The following PTN variants were observed in gnomAD, a reference collection of about 807,000 sequenced individuals.
PTN encodes the protein pleiotrophin, also known as heparin affin regulatory protein.
PTN carries 18 observed loss-of-function variants against 24.1 expected under a neutral mutation model. That is an observed-to-expected ratio of 0.75 (90% CI 0.52 to 1.11). The LOEUF (loss-of-function observed/expected upper bound fraction) is 1.11, where lower values mean the gene tolerates loss of function less well. PTN is among the 50% of genes least tolerant of loss of function. The pLI is 0.00. For missense variants in PTN, 163 were observed against 198.8 expected (o/e 0.82, Z 1.08); for synonymous variants, 78 against 68.6 (o/e 1.14, Z -0.67).
At chr7:137,262,193 T>C (rs1169175251) in intron 1 of PTN, among the ~76,000 whole-genome samples, 1 of 152,222 alleles carries the variant, frequency 6.6e-6, no homozygotes, top group Admixed American at 6.5e-5. Flanking sequence ...TTTGGTTAAA[T>C]ATTTTCAGAC....
intron 4 of PTN, among the ~76,000 whole-genome samples, chr7:137,249,865 C>G (rs1306238284): frequency 1.3e-5 from 2 of 152,138 alleles, no homozygotes; most frequent in African/African-American, 4.8e-5. Context: ...CAGGTCCAGC[C>G]TGTACCTGGC....
At chr7:137,329,320 A>C (rs1810312034) in intron 1 of PTN, among the ~76,000 whole-genome samples, 1 of 152,338 alleles carries the variant, frequency 6.6e-6, no homozygotes, top group East Asian at 1.9e-4. Context: ...TTCAGCTTCT[A>C]GAACTAGTTG....
intron 4 of PTN, among the ~76,000 whole-genome samples, chr7:137,240,387 C>A (rs4142090): frequency 6.6e-6 from 1 of 152,170 alleles, no homozygotes; most frequent in Non-Finnish European, 1.5e-5. Flanking sequence ...TGTCTCATAG[C>A]ATTTGCCACT....
chr7:137,320,378 A>C (rs531360295), intron 1 of PTN, among the ~76,000 whole-genome samples: 2 of 152,152 alleles, frequency 1.3e-5, no homozygotes, highest in African/African-American at 2.4e-5. Context: ...TCCATTTTCT[A>C]ACTCACTCAT....
intron 4 of PTN, 33 bp downstream of exon 4, chr7:137,251,197 C>T (rs368659182): frequency 1.2e-6 from 2 of 1,606,472 alleles, no homozygotes. Flanking sequence ...TCCATCAATC[C>T]ATTAAAATTG....
rs151248917 is a variant in PTN at position 137,290,219 on chromosome 7, T to C, written c.-1-35245A>G. Among the ~76,000 whole-genome samples, 81 of 152,276 alleles carry C rather than the reference T, an allele frequency of 5.3e-4. 3 individuals carry two copies. In the East Asian group the frequency reaches 0.015, roughly 27 times the overall value. The stretch of plus-strand genomic sequence containing the variant: ...GCATGGGAAAGACCTGCCCCCATGA[T>C]TGAATTACCTCCCACCAGGTCCCTC... On this transcript the variant is annotated intron_variant, in intron 1 of 4. Coordinates refer to ENST00000348225, the MANE Select transcript of PTN (RefSeq NM_002825.7).
chr7:137,313,134 G>C lies in PTN; in HGVS notation c.-2+30305C>G, dbSNP rs200852496. 6.6e-5 allele frequency among the ~76,000 whole-genome samples: 10 copies of C among 151,762 alleles called. No individual in the cohort carries two copies. In the East Asian group the frequency reaches 1.9e-3, roughly 29 times the overall value. On this transcript the variant is annotated intron_variant, in intron 1 of 4. Transcript: ENST00000348225. ...CCTCCTGGCAGCCCTCACTCCCCAC[G>C]TGTCTCCAGAGAGACATTTCACTGA... is the stretch of plus-strand genomic sequence containing the variant.
At chr7:137,326,812 G>T (rs1260030993) in intron 1 of PTN, 1 of 152,124 alleles carries the variant, frequency 6.6e-6, no homozygotes, top group African/African-American at 2.4e-5. Flanking sequence ...AGCTATTCAT[G>T]TGCCTGCCTG....
Position 137,254,909 on chromosome 7 carries a change from A to G in PTN, c.65T>C (p.Phe22Ser). ...AGCAGTATCCACAGCTGCCAGTATG[A>G]AAATGAATGCCAAGAAGGCAGCTGC... ...KFAAAFLAFIFILAAVDTAEA... is the reference protein window; with the variant it reads ...KFAAAFLAFISILAAVDTAEA... Residue 22 changes from phenylalanine (F) to serine (S), a missense_variant, in exon 2 of 5, where the codon TTC becomes TCC. By Grantham distance (155) the Phe-to-Ser change is radical (BLOSUM62 -2). Coordinates refer to ENST00000348225, the MANE Select transcript of PTN (RefSeq NM_002825.7). 6.3e-7 allele frequency: 1 copy of G among 1,585,366 alleles called. No individual in the cohort carries two copies. Among genetic ancestry groups the G allele is most frequent in the Non-Finnish European group, 8.6e-7 (1 of 1,158,650 alleles).
chr7:137,332,003 T>C (rs1810366712), intron 1 of PTN, among the ~76,000 whole-genome samples: 1 of 152,236 alleles, frequency 6.6e-6, no homozygotes, highest in Non-Finnish European at 1.5e-5. Context: ...TTCATAACAT[T>C]AATTTACTTA....
In PTN at chr7:137,253,655, A is replaced by T; in HGVS notation, c.116-18T>A. 2.0e-6 allele frequency: 3 copies of T among 1,513,212 alleles called. No homozygotes were observed. The highest frequency in any genetic ancestry group is 2.7e-6 in the Non-Finnish European group (3 of 1,124,124). 93.7% of individuals were successfully genotyped at this position (1,513,212 alleles called of 1,614,324 possible). On this transcript the variant is annotated intron_variant, in intron 2 of 4. Coordinates refer to ENST00000348225, the MANE Select transcript of PTN (RefSeq NM_002825.7). ...TTTTTTTTCTGAATGAAAGGAGGAA[A>T]ACCTAATCAACATACAGAAAACTCC...
In PTN at chr7:137,253,446, C is replaced by A; in HGVS notation, c.289+18G>T. 6.3e-7 allele frequency: 1 copy of A among 1,585,236 alleles called. No individual in the cohort carries two copies. Among genetic ancestry groups the A allele is most frequent in the South Asian group, 1.1e-5 (1 of 87,184 alleles). ...ATTATCTCAGAGTAGGAGATTAACTCAGTAGCATGAGGCTTACCGCCAAAT... is the reference window on the plus strand; with the variant it reads ...ATTATCTCAGAGTAGGAGATTAACTAAGTAGCATGAGGCTTACCGCCAAAT... On this transcript the variant is annotated intron_variant, in intron 3 of 4. Coordinates refer to ENST00000348225, the MANE Select transcript of PTN (RefSeq NM_002825.7).
intron 1 of PTN, among the ~76,000 whole-genome samples, chr7:137,312,928 T>G (rs1250111896): frequency 6.6e-6 from 1 of 152,194 alleles, no homozygotes; most frequent in African/African-American, 2.4e-5. Flanking sequence ...CTAAATATAA[T>G]GAAAACTGTA....
intron 4 of PTN, among the ~76,000 whole-genome samples, chr7:137,242,067 T>C (rs706557): frequency 0.11 from 16,456 of 152,206 alleles, 967 homozygotes; most frequent in African/African-American, 0.14. Context: ...GGGGAACTTC[T>C]TTTATCTTTA....
chr7:137,325,844 C>G (rs1810250772), intron 1 of PTN: 1 of 152,290 alleles, frequency 6.6e-6, no homozygotes, highest in South Asian at 2.1e-4. Context: ...ATTATAGAAG[C>G]CTCTCCTCGG....
At chr7:137,336,179 T>C (rs71541346) in intron 1 of PTN, among the ~76,000 whole-genome samples, 165 of 152,258 alleles carry the variant, frequency 1.1e-3, no homozygotes, top group Middle Eastern at 6.8e-3. Flanking sequence ...GTCGTGACCA[T>C]TGACATTTAC....
At chr7:137,281,162 A>G (rs1809467693) in intron 1 of PTN, among the ~76,000 whole-genome samples, 1 of 152,076 alleles carries the variant, frequency 6.6e-6, no homozygotes, top group Non-Finnish European at 1.5e-5. Context: ...ACGTGACCTA[A>G]TGAAAGTCTT....
chr7:137,335,289 C>T (rs770963477), intron 1 of PTN, among the ~76,000 whole-genome samples: 5 of 151,850 alleles, frequency 3.3e-5, no homozygotes, highest in African/African-American at 4.8e-5. Flanking sequence ...ACACCCTCTC[C>T]GAGAAAGACC....
chr7:137,282,588 T>C (rs1271427452), intron 1 of PTN, among the ~76,000 whole-genome samples: 1 of 151,382 alleles, frequency 6.6e-6, no homozygotes, highest in African/African-American at 2.4e-5. Context: ...ATTTGAGATA[T>C]AAAGAAAAAA....
Sources: gnomAD v4.1 joint callset for allele counts (sites outside exome capture counted in the v4.1 genomes callset) on GRCh38, gnomAD v4.1.1 for gene constraint, MANE v1.5 for transcripts, NCBI Gene and HGNC (gene_info 2026-07-23, HGNC 2026-07-21) for gene names.